LOXHD1: variants seen among roughly 807,000 people sequenced by gnomAD.
LOXHD1 encodes the protein lipoxygenase homology domain-containing protein 1.
In LOXHD1, 205 loss-of-function variants were observed where a neutral mutation model predicts 248.2. The observed-to-expected ratio is 0.83, with a 90% confidence interval of 0.74 to 0.93. The LOEUF is 0.93. Ranked by LOEUF, LOXHD1 falls within the 40% of genes least tolerant of loss-of-function variation. The pLI is 0.00. For synonymous variants in LOXHD1, 1,113 were observed against 1,162.8 expected (o/e 0.96, Z 0.87); for missense variants, 2,930 against 2,971.6 (o/e 0.99, Z 0.33).
intron 34 of LOXHD1, among the ~76,000 whole-genome samples, chr18:46,513,173 A>T (rs2035065017): frequency 1.3e-5 from 2 of 152,256 alleles, no homozygotes; most frequent in African/African-American, 4.8e-5. Context: ...TACAAGTATC[A>T]ATAATGTATG....
At chr18:46,652,584 C>T (rs1046399376) in intron 1 of LOXHD1, among the ~76,000 whole-genome samples, 5 of 152,180 alleles carry the variant, frequency 3.3e-5, no homozygotes, top group African/African-American at 1.2e-4. Flanking sequence ...AAGGTGGAGC[C>T]ATTGTCACTC....
In LOXHD1 at chr18:46,559,552, T is replaced by G. The variant is rs1234445863; in HGVS notation, c.3112A>C (p.Thr1038Pro). The G allele has an allele frequency of 6.4e-7, 1 of 1,551,940 alleles. No individual in the cohort carries two copies. The highest frequency in any genetic ancestry group is 1.2e-5 in the South Asian group (1 of 84,066). Residue 1038 changes from threonine (T) to proline (P), a missense_variant, in exon 20 of 41, where the codon ACT becomes CCT. Coordinates refer to ENST00000642948, the MANE Select transcript of LOXHD1 (RefSeq NM_001384474.1). ...ATGGTTAGGTAGACGTTAGCATCAGTGCCGGCCTTGGGCACATTCCCCGTG... is the reference window on the plus strand; with the variant it reads ...ATGGTTAGGTAGACGTTAGCATCAGGGCCGGCCTTGGGCACATTCCCCGTG... ...VVTGNVPKAGTDANVYLTIYG... is the reference protein window; with the variant it reads ...VVTGNVPKAGPDANVYLTIYG...
At chr18:46,496,142 A>G (rs1224118496) in intron 37 of LOXHD1, among the ~76,000 whole-genome samples, 1 of 152,230 alleles carries the variant, frequency 6.6e-6, no homozygotes, top group East Asian at 1.9e-4. Flanking sequence ...AGGTATGAAC[A>G]ATACAGCTGG....
chr18:46,494,849 C>CTTTTTTTTTTT (rs58016824), intron 37 of LOXHD1, among the ~76,000 whole-genome samples: 36 of 96,556 alleles, frequency 3.7e-4, no homozygotes, highest in African/African-American at 5.0e-4. Flanking sequence ...TTCTCTCTCT[C>CTTTTTTTTTTT]TTTTTTTTTT....
intron 7 of LOXHD1, among the ~76,000 whole-genome samples, chr18:46,603,861 T>C (rs901383599): frequency 6.6e-6 from 1 of 152,246 alleles, no homozygotes; most frequent in South Asian, 2.1e-4. Context: ...CTTCATCCTA[T>C]GGATACCTTC....
chr18:46,572,936 T>C (rs1410102333), intron 14 of LOXHD1, among the ~76,000 whole-genome samples: 3 of 148,268 alleles, frequency 2.0e-5, no homozygotes, highest in Non-Finnish European at 4.4e-5. Flanking sequence ...GGCAGGAGAA[T>C]TGTGTGAACC....
At chr18:46,564,930 A>T (rs1472912667) in intron 17 of LOXHD1, among the ~76,000 whole-genome samples, 1 of 152,184 alleles carries the variant, frequency 6.6e-6, no homozygotes, top group African/African-American at 2.4e-5. Context: ...GCTGCTGTGG[A>T]AGTGAGCCTT....
chr18:46,485,079 C>T lies in LOXHD1; in HGVS notation c.6122G>A (p.Arg2041Lys), dbSNP rs906090889. The T allele has an allele frequency of 6.4e-7, 1 of 1,550,940 alleles. No individual in the cohort carries two copies. The highest frequency in any genetic ancestry group is 1.4e-5 in the African/African-American group (1 of 72,814). ...RENVWLILEG[R>K]KNRSKEFLME... ...GAGAAACTCTTTGGATCGGTTCTTC[C>T]TGCCCTCCAGGATGAGCCAGACGTT... Residue 2041 changes from arginine (R) to lysine (K), a missense_variant, in exon 39 of 41, where the codon AGG (arginine) becomes AAG (lysine). Physicochemically the swap from Arg to Lys is conservative, Grantham distance 26. Coordinates refer to ENST00000642948, the MANE Select transcript of LOXHD1 (RefSeq NM_001384474.1).
chr18:46,558,977 G>A (rs2037445787), intron 20 of LOXHD1: 2 of 448,220 alleles, frequency 4.5e-6, no homozygotes, highest in Admixed American at 2.5e-5. Context: ...GTCCTAAACT[G>A]GCCTCCCCCA....
chr18:46,496,184 G>A (rs1263887195), intron 37 of LOXHD1, among the ~76,000 whole-genome samples: 3 of 152,202 alleles, frequency 2.0e-5, no homozygotes, highest in East Asian at 1.9e-4. Flanking sequence ...AAATTTGACA[G>A]TTCAATAATC....
intron 14 of LOXHD1, among the ~76,000 whole-genome samples, chr18:46,575,020 G>A (rs2037828163): frequency 6.6e-6 from 1 of 152,154 alleles, no homozygotes; most frequent in Non-Finnish European, 1.5e-5. Context: ...ATCCCCTGCA[G>A]TTCCCTGGCT....
chr18:46,645,621 C>T (rs1861993670), intron 2 of LOXHD1, among the ~76,000 whole-genome samples: 1 of 151,998 alleles, frequency 6.6e-6, no homozygotes, highest in African/African-American at 2.4e-5. Context: ...GCTGTGGGTG[C>T]TTAACTGGGG....
chr18:46,577,805 G>A lies in LOXHD1; in HGVS notation c.1872C>T (p.His624=), dbSNP rs751871989. 2.2e-5 allele frequency: 34 copies of A among 1,551,652 alleles called. No individual in the cohort carries two copies. The highest frequency in any genetic ancestry group is 3.3e-4 in the Middle Eastern group (2 of 5,990). The stretch of plus-strand genomic sequence containing the variant: ...AGCCGCTGCCGGAGCCTTTGCCATC[G>A]TGTCTGATCCTCACCCGCCTCACAT... ...MRNVRRVRIR[H]DGKGSGSGWY... is the part of the protein sequence containing the mutation. Residue 624 remains histidine, a synonymous_variant, in exon 14 of 41, where the codon CAC becomes CAT. Transcript: ENST00000642948.
At chr18:46,492,684 C>T (rs2033571222) in intron 37 of LOXHD1, among the ~76,000 whole-genome samples, 1 of 152,196 alleles carries the variant, frequency 6.6e-6, no homozygotes. Flanking sequence ...TACAAAGTCT[C>T]CTCTTTTAGG....
rs886042223 is a variant in LOXHD1, at chr18:46,477,778, G to A, written c.6516C>T (p.Ala2172=). The change falls in exon 41 of 41, where the codon GCC becomes GCT. Residue 2172 remains alanine, a synonymous_variant. Transcript: ENST00000642948. ...TGYEPGAGTD[A]NVFVTIFGAN... ...CCCCAAAGATGGTCACGAAGACGTT[G>A]GCATCAGTGCCTGCCCCTGGCTCAT... is the stretch of plus-strand genomic sequence containing the variant. The A allele has an allele frequency of 3.2e-5, 50 of 1,551,762 alleles. 1 individual carries two copies. The Admixed American group carries it at 9.4e-4, about 29-fold the overall frequency.
At chr18:46,634,413 A>C (rs1167048777) in intron 4 of LOXHD1, among the ~76,000 whole-genome samples, 1 of 152,158 alleles carries the variant, frequency 6.6e-6, no homozygotes, top group Non-Finnish European at 1.5e-5. Context: ...AAAATCCAAA[A>C]CTTTTTGAAT....
intron 4 of LOXHD1, among the ~76,000 whole-genome samples, chr18:46,622,850 G>A (rs1568221456): frequency 6.6e-6 from 1 of 152,178 alleles, no homozygotes; most frequent in Admixed American, 6.5e-5. Flanking sequence ...GGGCAGCACC[G>A]CTTCTGCAAT....
rs1220668522 is a variant in LOXHD1, at chr18:46,601,365, C to T, written c.986G>A (p.Ser329Asn). 12 of 1,551,624 alleles carry T rather than the reference C, an allele frequency of 7.7e-6. No homozygotes were observed. The highest frequency in any genetic ancestry group is 1.0e-5 in the Non-Finnish European group (12 of 1,147,000). ...GCCGCCCTCCAGGAAGATTTTCCCA[C>T]TGTTCTTATTCCCTCTGGCCCCATA... is the stretch of plus-strand genomic sequence containing the variant. ...VMYGARGNKNSGKIFLEGGVF... is the reference protein window; with the variant it reads ...VMYGARGNKNNGKIFLEGGVF... Residue 329 changes from serine to asparagine, a missense_variant, in exon 8 of 41, where the codon AGT (serine) becomes AAT (asparagine). Ser to Asn is a conservative substitution (Grantham distance 46). Coordinates refer to ENST00000642948, the MANE Select transcript of LOXHD1 (RefSeq NM_001384474.1).
chr18:46,506,327 C>T (rs935753642), intron 36 of LOXHD1, among the ~76,000 whole-genome samples: 6 of 152,192 alleles, frequency 3.9e-5, no homozygotes, highest in African/African-American at 9.7e-5. Context: ...ACTTAAAAGG[C>T]GTGTCATATA....
Sources: allele counts gnomAD v4.1 joint callset (sites outside exome capture counted in the v4.1 genomes callset), GRCh38; gene constraint gnomAD v4.1.1; transcripts MANE v1.5; gene names NCBI Gene and HGNC (gene_info 2026-07-23, HGNC 2026-07-21).